The following SND1 variants were observed in gnomAD, a reference collection of about 807,000 sequenced individuals.
SND1 encodes the protein staphylococcal nuclease and tudor domain containing 1.
A neutral mutation model predicts 121.7 loss-of-function variants in SND1; 38 were observed. That is an observed-to-expected ratio of 0.31 (90% CI 0.24 to 0.41). The LOEUF is 0.41. SND1 is among the 10% of genes least tolerant of loss of function. SND1 has a pLI of 1.00. For synonymous variants in SND1, 401 were observed against 447.4 expected (o/e 0.90, Z 1.31); for missense variants, 868 against 1,184.6 (o/e 0.73, Z 3.92).
At chr7:127,890,681 A>G (rs1164095742) in intron 13 of SND1, among the ~76,000 whole-genome samples, 1 of 152,202 alleles carries the variant, frequency 6.6e-6, no homozygotes, top group Non-Finnish European at 1.5e-5. Context: ...CTCTCTTATT[A>G]TGCTGTTAGA....
chr7:128,056,581 G>C (rs1216987608), intron 16 of SND1, among the ~76,000 whole-genome samples: 1 of 152,160 alleles, frequency 6.6e-6, no homozygotes, highest in African/African-American at 2.4e-5. Flanking sequence ...TAGGAGTTGG[G>C]ACCACAAAGT....
chr7:127,702,519 G>C lies in SND1; in HGVS notation c.674G>C (p.Gly225Ala). The C allele has an allele frequency of 6.2e-7, 1 of 1,613,886 alleles. No homozygotes were observed. Among genetic ancestry groups the C allele is most frequent in the Non-Finnish European group, 8.5e-7 (1 of 1,179,788 alleles). ...DYYLVTVMLSGIKCPTFRREA... is the reference protein window; with the variant it reads ...DYYLVTVMLSAIKCPTFRREA... The stretch of plus-strand genomic sequence containing the variant: ...TACCTGGTTACAGTCATGCTGTCAG[G>C]CATCAAGGTCAGACCATACTCTTGG... Residue 225 changes from glycine to alanine, a missense_variant, in exon 6 of 24, where the codon GGC becomes GCC. Physicochemically the swap from Gly to Ala is moderately conservative, Grantham distance 60. Transcript: ENST00000354725.
At chr7:128,069,040 C>T (rs906900093) in intron 16 of SND1, among the ~76,000 whole-genome samples, 1 of 152,302 alleles carries the variant, frequency 6.6e-6, no homozygotes, top group Admixed American at 6.5e-5. Flanking sequence ...ACCGCTTTGG[C>T]CCTGTGATGG....
chr7:128,053,605 C>G (rs565208186), intron 16 of SND1, among the ~76,000 whole-genome samples: 1 of 152,120 alleles, frequency 6.6e-6, no homozygotes, highest in Admixed American at 6.5e-5. Context: ...AGTCCAGGAG[C>G]AAGAGGATGG....
At chr7:127,916,093 T>C (rs1800573572) in intron 14 of SND1, among the ~76,000 whole-genome samples, 2 of 152,006 alleles carry the variant, frequency 1.3e-5, no homozygotes, top group Admixed American at 1.3e-4. Context: ...TAGGTATATA[T>C]CTATTAATTT....
At chr7:127,886,977 A>G (rs1799921187) in intron 12 of SND1, among the ~76,000 whole-genome samples, 1 of 150,882 alleles carries the variant, frequency 6.6e-6, no homozygotes, top group African/African-American at 2.4e-5. Context: ...TATATTGTTT[A>G]CTTTCTTTGT....
At chr7:128,039,423 T>C (rs1792810308) in intron 16 of SND1, among the ~76,000 whole-genome samples, 1 of 152,122 alleles carries the variant, frequency 6.6e-6, no homozygotes, top group Non-Finnish European at 1.5e-5. Context: ...ATTTTATCGA[T>C]AGCCCTAGCC....
At chr7:127,977,133 A>G (rs1802138680) in intron 15 of SND1, among the ~76,000 whole-genome samples, 1 of 152,226 alleles carries the variant, frequency 6.6e-6, no homozygotes, top group Non-Finnish European at 1.5e-5. Context: ...GTCGGCTCTC[A>G]ACAGTGCAGA....
chr7:128,023,047 A>G (rs1803394086), intron 16 of SND1, among the ~76,000 whole-genome samples: 1 of 152,100 alleles, frequency 6.6e-6, no homozygotes, highest in Non-Finnish European at 1.5e-5. Context: ...TGAATTTCGC[A>G]CTAACAGTCC....
intron 11 of SND1, among the ~76,000 whole-genome samples, chr7:127,840,797 G>A (rs973958174): frequency 6.6e-6 from 1 of 152,154 alleles, no homozygotes; most frequent in Non-Finnish European, 1.5e-5. Context: ...CTGCCTGCAG[G>A]TGTATATCTT....
rs569555400 is a variant in SND1 at position 127,695,082 on chromosome 7, A to G, written c.349+134A>G. On this transcript the variant is annotated intron_variant, in intron 3 of 23. Transcript: ENST00000354725. ...CAGTTGGCTGAAGGCATAAATGCAA[A>G]TGCTTTGGGCCCTGAGCACAGGGAA... The G allele has an allele frequency of 2.3e-5, 24 of 1,027,068 alleles. No homozygotes were observed. The East Asian group carries it at 4.2e-4, about 18-fold the overall frequency. 63.6% of individuals were successfully genotyped at this position (1,027,068 alleles called of 1,614,324 possible). A position where few individuals can be genotyped will look rare whatever the true frequency, so the allele number is the denominator to read the frequency against.
chr7:127,969,589 T>G (rs1801933935), intron 15 of SND1, among the ~76,000 whole-genome samples: 1 of 152,074 alleles, frequency 6.6e-6, no homozygotes, highest in African/African-American at 2.4e-5. Context: ...CCAGGCATGG[T>G]GGCGGGCACG....
chr7:127,901,910 T>G (rs1395979832), intron 13 of SND1, among the ~76,000 whole-genome samples: 1 of 152,192 alleles, frequency 6.6e-6, no homozygotes, highest in Admixed American at 6.5e-5. Context: ...TGAATAATAT[T>G]AATACTAAGA....
intron 14 of SND1, among the ~76,000 whole-genome samples, chr7:127,907,293 T>G (rs1419825572): frequency 2.0e-5 from 3 of 152,186 alleles, no homozygotes; most frequent in Admixed American, 2.0e-4. Flanking sequence ...CCTTGTTCAA[T>G]TTAAGTGAGA....
In SND1 at chr7:128,025,623, C is replaced by T. The variant is rs189131287; in HGVS notation, c.1779+34567C>T. Among the ~76,000 whole-genome samples the T allele has an allele frequency of 2.0e-4, 31 of 152,296 alleles. No individual in the cohort carries two copies. The East Asian group carries it at 5.6e-3, about 27-fold the overall frequency. On this transcript the variant is annotated intron_variant, in intron 16 of 23. Transcript: ENST00000354725. ...TTCACGGCTGCATTTTTGGTACTCA[C>T]GGGATGCCTCTCTGAAAAGCTGTCC...
rs1221558387 is a variant in SND1, at chr7:127,686,781, C to T, written c.228+19C>T. 1 of 1,604,626 alleles carries T rather than the reference C, an allele frequency of 6.2e-7. No homozygotes were observed. The highest frequency in any genetic ancestry group is 2.2e-5 in the East Asian group (1 of 44,534). ...TGATGAGGTAGGTGTTTCCTGAGGC[C>T]ATCGTGAGCCTGTGGACCTAGGTAA... On this transcript the variant is annotated intron_variant, in intron 2 of 23. Transcript: ENST00000354725.
intron 1 of SND1, among the ~76,000 whole-genome samples, chr7:127,682,434 C>T (rs555838179): frequency 9.8e-5 from 15 of 152,320 alleles, no homozygotes; most frequent in African/African-American, 3.6e-4. Flanking sequence ...ATCAAACTGA[C>T]TTATTGTGAC....
At chr7:128,080,920 C>G (rs2117058930) in intron 17 of SND1, among the ~76,000 whole-genome samples, 1 of 152,108 alleles carries the variant, frequency 6.6e-6, no homozygotes, top group South Asian at 2.1e-4. Flanking sequence ...GGGGCTCAGC[C>G]TGGTGTGAAT....
At chr7:127,857,395 G>A (rs1482267049) in intron 12 of SND1, among the ~76,000 whole-genome samples, 1 of 148,698 alleles carries the variant, frequency 6.7e-6, no homozygotes, top group African/African-American at 2.5e-5. Flanking sequence ...AGCAGAGACG[G>A]GGTTTCACCA....
Sources: allele counts gnomAD v4.1 joint callset (sites outside exome capture counted in the v4.1 genomes callset), GRCh38; gene constraint gnomAD v4.1.1; transcripts MANE v1.5; gene names NCBI Gene and HGNC (gene_info 2026-07-23, HGNC 2026-07-21).